Variants in DUSP4 observed in about 807,000 individuals in gnomAD.
DUSP4 encodes dual specificity phosphatase 4.
Under a neutral mutation model 27.2 loss-of-function variants are expected in DUSP4, and 12 were observed. That is an observed-to-expected ratio of 0.44 (90% CI 0.28 to 0.71). The LOEUF is 0.71. Ranked by LOEUF, DUSP4 falls within the 30% of genes least tolerant of loss-of-function variation. The probability of loss-of-function intolerance (pLI) is 0.14; values close to 1 mark genes in which losing one functional copy is unlikely to be tolerated. For synonymous variants in DUSP4, 257 were observed against 245.2 expected, an observed-to-expected ratio of 1.05 and a Z score of -0.45; for missense variants, 448 against 551.3, an observed-to-expected ratio of 0.81 and a Z score of 1.88.
At position 29,350,256 on chromosome 8, in the gene DUSP4, C is replaced by A. The variant is rs777977996; in HGVS notation, c.23G>T (p.Arg8Leu). The A allele has an allele frequency of 6.3e-7, 1 of 1,590,574 alleles. No individual in the cohort carries two copies. Among genetic ancestry groups the A allele is most frequent in the East Asian group, 2.3e-5 (1 of 44,354 alleles). ...TTTGAGCACACTGCAGTCCATCTCC[C>A]GCAGCTCCTCCATCGTCACCATGGT... MVTMEEL[R>L]EMDCSVLKRL... Residue 8 changes from arginine to leucine, a missense_variant, in exon 1 of 4, where the codon CGG (arginine) becomes CTG (leucine). By Grantham distance (102) the Arg-to-Leu change is moderately radical (BLOSUM62 -2). This residue lies in a region of DUSP4 where 345 missense variants were observed against 394.0 expected (regional missense o/e 0.88). Coordinates refer to ENST00000240100, the MANE Select transcript of DUSP4 (RefSeq NM_001394.7).
chr8:29,346,033 T>C lies in DUSP4; in HGVS notation c.433+3813A>G, dbSNP rs559493258. 6.9e-5 allele frequency: 68 copies of C among 985,438 alleles called. No homozygotes were observed. In the African/African-American group the frequency reaches 1.0e-3, roughly 15 times the overall value. The allele number at this position is 985,438 out of a possible 1,614,324, so 61.0% of individuals were successfully genotyped here. Reference sequence around the variant, plus strand: ...CCAGAGCTGTGCTGTTTGATGCCATTGCCCTCCTGGGGAACTGAAGACAGA... The same window carrying C: ...CCAGAGCTGTGCTGTTTGATGCCATCGCCCTCCTGGGGAACTGAAGACAGA... On this transcript the variant is annotated intron_variant, in intron 1 of 3. Transcript: ENST00000240100.
chr8:29,334,670 G>A lies in DUSP4; in HGVS notation c.*2356C>T, dbSNP rs1026974667. 1 of 152,336 alleles carries A rather than the reference G, an allele frequency of 6.6e-6. No individual in the cohort carries two copies. The highest frequency in any genetic ancestry group is 3.4e-3 in the Middle Eastern group (1 of 296). 9.4% of individuals were successfully genotyped at this position (152,336 alleles called of 1,614,324 possible). A position where few individuals can be genotyped will look rare whatever the true frequency, so the allele number is the denominator to read the frequency against. ...CCCTCCCCGCCCAAGCATCCCCTCT[G>A]TCCTGTCTCTCTGCTGCTGGGACCC... On this transcript the variant is annotated 3_prime_UTR_variant, in exon 4 of 4. Transcript: ENST00000240100.
intron 1 of DUSP4, among the ~76,000 whole-genome samples, chr8:29,344,488 C>T (rs1426290563): frequency 6.6e-6 from 1 of 152,152 alleles, no homozygotes; most frequent in East Asian, 1.9e-4. Context: ...ATTCCTAAAT[C>T]TCTCATTTTA....
chr8:29,336,982 C>A lies in DUSP4; in HGVS notation c.*44G>T. Reference sequence around the variant, plus strand: ...TCTGCCCGCATGCGGCCCGTCCTACCCTTGCTGGGAGCCAGCTCTGGTTCT... The same window carrying A: ...TCTGCCCGCATGCGGCCCGTCCTACACTTGCTGGGAGCCAGCTCTGGTTCT... On this transcript the variant is annotated 3_prime_UTR_variant, in exon 4 of 4. Coordinates refer to ENST00000240100, the MANE Select transcript of DUSP4 (RefSeq NM_001394.7). 1.3e-6 allele frequency: 2 copies of A among 1,525,334 alleles called. No homozygotes were observed. The highest frequency in any genetic ancestry group is 1.3e-5 in the South Asian group (1 of 77,526). The allele number at this position is 1,525,334 out of a possible 1,614,324, so 94.5% of individuals were successfully genotyped here.
chr8:29,349,742 A>AC, intron 1 of DUSP4, 104 bp downstream of exon 1: 1 of 1,372,022 alleles, frequency 7.3e-7, no homozygotes, highest in Non-Finnish European at 9.5e-7. Context: ...GATCCCCGCA[A>AC]CCACGAATCA....
intron 1 of DUSP4, chr8:29,348,388 C>T (rs754066936): frequency 1.0e-6 from 1 of 985,666 alleles, no homozygotes; most frequent in Non-Finnish European, 1.2e-6. Flanking sequence ...GGGACAAGCC[C>T]CTTCCTGGCA....
chr8:29,344,452 T>C (rs984301070), intron 1 of DUSP4, among the ~76,000 whole-genome samples: 2 of 152,240 alleles, frequency 1.3e-5, no homozygotes, highest in Non-Finnish European at 2.9e-5. Flanking sequence ...GTTTTTCCCA[T>C]GTCCTTATTT....
At chr8:29,348,643 G>A in intron 1 of DUSP4, 1 of 985,432 alleles carries the variant, frequency 1.0e-6, no homozygotes. Flanking sequence ...CAGTTTTGTT[G>A]TGCTTTTTGG....
At chr8:29,341,581 T>C (rs1284802452) in intron 1 of DUSP4, among the ~76,000 whole-genome samples, 1 of 152,236 alleles carries the variant, frequency 6.6e-6, no homozygotes, top group Non-Finnish European at 1.5e-5. Context: ...TTGTTCCTGC[T>C]GAGTCACAGT....
intron 1 of DUSP4, among the ~76,000 whole-genome samples, chr8:29,344,434 T>G (rs1817698319): frequency 6.6e-6 from 1 of 152,254 alleles, no homozygotes; most frequent in Admixed American, 6.5e-5. Context: ...TCTTACTAAT[T>G]TCAACCTGTT....
At chr8:29,339,839 C>T (rs936899594) in intron 2 of DUSP4, among the ~76,000 whole-genome samples, 1 of 139,382 alleles carries the variant, frequency 7.2e-6, no homozygotes, top group African/African-American at 2.6e-5. Context: ...CCCCCCCCCC[C>T]CATCTCTACC....
chr8:29,349,245 G>C (rs1013200689), intron 1 of DUSP4, among the ~76,000 whole-genome samples: 1 of 152,254 alleles, frequency 6.6e-6, no homozygotes, highest in African/African-American at 2.4e-5. Context: ...AGCCCGGGAC[G>C]GGGATTGGCC....
At chr8:29,339,989 G>C (rs1378068085) in intron 2 of DUSP4, 109 bp downstream of exon 2, 2 of 1,396,282 alleles carry the variant, frequency 1.4e-6, no homozygotes, top group African/African-American at 2.9e-5. Flanking sequence ...GAGCAAGACT[G>C]TCTCAAAAGC....
intron 1 of DUSP4, among the ~76,000 whole-genome samples, chr8:29,343,906 A>G (rs181308123): frequency 1.3e-5 from 2 of 152,268 alleles, no homozygotes; most frequent in East Asian, 3.9e-4. Context: ...AGTCCCTCCT[A>G]CCCATCCCCA....
intron 1 of DUSP4, chr8:29,346,075 C>T (rs1179383244): frequency 2.0e-6 from 2 of 984,868 alleles, no homozygotes; most frequent in East Asian, 1.1e-4. Context: ...AATGGTGGGG[C>T]TAGAGAGAGA....
chr8:29,333,425 A>G lies in DUSP4; in HGVS notation c.*3601T>C, dbSNP rs1411675346. 6.6e-6 allele frequency: 1 copy of G among 152,248 alleles called. No homozygotes were observed. The highest frequency in any genetic ancestry group is 1.5e-5 in the Non-Finnish European group (1 of 68,040). The allele number at this position is 152,248 out of a possible 1,614,324, so 9.4% of individuals were successfully genotyped here. A position where few individuals can be genotyped will look rare whatever the true frequency, so the allele number is the denominator to read the frequency against. ...ACATCAATATCCAAACACCGTATTGAGTCCCTTAACAAGGCTCCACAGATC... is the reference window on the plus strand; with the variant it reads ...ACATCAATATCCAAACACCGTATTGGGTCCCTTAACAAGGCTCCACAGATC... On this transcript the variant is annotated 3_prime_UTR_variant, in exon 4 of 4. Transcript: ENST00000240100.
chr8:29,348,325 C>T, intron 1 of DUSP4: 1 of 985,642 alleles, frequency 1.0e-6, no homozygotes, highest in Non-Finnish European at 1.2e-6. Context: ...GGCGCGGACG[C>T]CCACCCTGGT....
chr8:29,343,865 A>T (rs895916910), intron 1 of DUSP4, among the ~76,000 whole-genome samples: 1 of 152,182 alleles, frequency 6.6e-6, no homozygotes, highest in African/African-American at 2.4e-5. Flanking sequence ...GGGCAGGGTT[A>T]AAAAAGATTA....
intron 1 of DUSP4, chr8:29,345,455 G>C (rs764686473): frequency 6.2e-7 from 1 of 1,613,908 alleles, no homozygotes; most frequent in Non-Finnish European, 8.5e-7. Context: ...CTGGTTTGCA[G>C]TCTCTCCCAG....
Sources: allele counts gnomAD v4.1 joint callset (sites outside exome capture counted in the v4.1 genomes callset), GRCh38; gene constraint gnomAD v4.1.1; regional missense constraint gnomAD v4.1.1; transcripts MANE v1.5; gene names NCBI Gene and HGNC (gene_info 2026-07-23, HGNC 2026-07-21).